The following GRID2 variants were observed in gnomAD, a reference collection of about 807,000 sequenced individuals.
The protein encoded by GRID2 is glutamate receptor ionotropic, delta-2.
A neutral mutation model predicts 114.8 loss-of-function variants in GRID2; 33 were observed. The observed-to-expected ratio is 0.29, with a 90% CI of 0.22 to 0.38. GRID2 has a LOEUF of 0.38. Among genes scored for constraint, GRID2 ranks in the 10% least tolerant of loss-of-function variants. The pLI, the probability that GRID2 is intolerant of heterozygous loss-of-function variation, is 1.00. For missense variants in GRID2, 1,184 were observed against 1,257.7 expected (o/e 0.94, Z 0.89); for synonymous variants, 505 against 449.9 (o/e 1.12, Z -1.55).
chr4:92,971,059 C>T (rs1401957510), intron 2 of GRID2, among the ~76,000 whole-genome samples: 1 of 151,762 alleles, frequency 6.6e-6, no homozygotes, highest in Non-Finnish European at 1.5e-5. Context: ...TTGGCTCATA[C>T]TCCTGGGCTC....
intron 6 of GRID2, among the ~76,000 whole-genome samples, chr4:93,223,051 GTGT>G (rs1745074112): frequency 6.6e-6 from 1 of 152,136 alleles, no homozygotes; most frequent in African/African-American, 2.4e-5. Context: ...CCAGAAGGTT[GTGT>G]ATTATTTTGA....
intron 14 of GRID2, among the ~76,000 whole-genome samples, chr4:93,633,431 C>A (rs1012404997): frequency 1.4e-4 from 22 of 152,044 alleles, no homozygotes; most frequent in African/African-American, 5.1e-4. Context: ...TGTTGGAAAG[C>A]TCCTGAGCTC....
chr4:92,499,382 T>C (rs1723558466), intron 1 of GRID2, among the ~76,000 whole-genome samples: 1 of 152,158 alleles, frequency 6.6e-6, no homozygotes, highest in African/African-American at 2.4e-5. Context: ...TTCCTCTCCA[T>C]AGATTTATCC....
intron 8 of GRID2, among the ~76,000 whole-genome samples, chr4:93,252,877 G>A (rs1038743778): frequency 4.6e-5 from 7 of 151,912 alleles, no homozygotes; most frequent in African/African-American, 1.5e-4. Context: ...TTGACTGTTG[G>A]TATATAGGAA....
intron 8 of GRID2, among the ~76,000 whole-genome samples, chr4:93,360,156 C>T (rs1224303624): frequency 6.6e-6 from 1 of 151,884 alleles, no homozygotes; most frequent in Non-Finnish European, 1.5e-5. Context: ...ATTTTCTACT[C>T]TTAACTGGTC....
At chr4:92,993,830 C>T (rs1488114354) in intron 2 of GRID2, among the ~76,000 whole-genome samples, 2 of 152,170 alleles carry the variant, frequency 1.3e-5, no homozygotes, top group East Asian at 3.9e-4. Flanking sequence ...GTTTATAAGA[C>T]TTGTGATCTT....
intron 13 of GRID2, among the ~76,000 whole-genome samples, chr4:93,547,902 C>A (rs891382169): frequency 6.6e-6 from 1 of 152,128 alleles, no homozygotes; most frequent in Non-Finnish European, 1.5e-5. Context: ...GAGGGCCAGG[C>A]GCAGTGGCTC....
chr4:93,744,095 G>T (rs1446060622), intron 14 of GRID2, among the ~76,000 whole-genome samples: 2 of 152,146 alleles, frequency 1.3e-5, no homozygotes, highest in Admixed American at 6.6e-5. Context: ...AGCCCAATGT[G>T]GAGACACTGC....
At chr4:93,057,883 G>T (rs1727411588) in intron 2 of GRID2, among the ~76,000 whole-genome samples, 1 of 151,924 alleles carries the variant, frequency 6.6e-6, no homozygotes, top group African/African-American at 2.4e-5. Flanking sequence ...TTCTTGTCAA[G>T]ATGAGTGTGT....
At chr4:92,518,886 T>C (rs1724638380) in intron 1 of GRID2, among the ~76,000 whole-genome samples, 1 of 151,850 alleles carries the variant, frequency 6.6e-6, no homozygotes, top group African/African-American at 2.4e-5. Context: ...TGCCACATAG[T>C]TTATCACAAG....
At position 92,460,032 on chromosome 4, in the gene GRID2, C is replaced by CTATA. The variant is rs373743453; in HGVS notation, c.89-130080_89-130077dup. Among the ~76,000 whole-genome samples the CTATA allele has an allele frequency of 7.3e-3, 355 of 48,422 alleles. 61 individuals are homozygous for CTATA. Among genetic ancestry groups the CTATA allele is most frequent in the African/African-American group, 0.028 (272 of 9,888 alleles). The allele number at this position is 48,422 out of a possible 152,430, so 31.8% of individuals were successfully genotyped here. A position where few individuals can be genotyped will look rare whatever the true frequency, so the allele number is the denominator to read the frequency against. On this transcript the variant is annotated intron_variant, in intron 1 of 15. Coordinates refer to ENST00000282020, the MANE Select transcript of GRID2 (RefSeq NM_001510.4). The stretch of plus-strand genomic sequence containing the variant: ...AGCCCATTCCTTAAAATAAATCTCA[C>CTATA]TATATATATATATATATATATACAC...
At chr4:93,058,807 A>C (rs972496642) in intron 2 of GRID2, among the ~76,000 whole-genome samples, 1 of 152,024 alleles carries the variant, frequency 6.6e-6, no homozygotes, top group Non-Finnish European at 1.5e-5. Flanking sequence ...AGTATCTTTC[A>C]TTTGGCTCAT....
intron 6 of GRID2, among the ~76,000 whole-genome samples, chr4:93,224,184 A>C (rs1313516361): frequency 6.6e-6 from 1 of 152,198 alleles, no homozygotes; most frequent in African/African-American, 2.4e-5. Flanking sequence ...ATATGAAATC[A>C]AGTTGATATT....
chr4:92,917,627 C>G (rs2149498747), intron 2 of GRID2, among the ~76,000 whole-genome samples: 1 of 151,286 alleles, frequency 6.6e-6, no homozygotes, highest in East Asian at 2.0e-4. Flanking sequence ...ATCCTTTCCT[C>G]TTTCTTGTTT....
intron 12 of GRID2, among the ~76,000 whole-genome samples, chr4:93,495,425 A>G (rs1174893597): frequency 1.3e-5 from 2 of 151,932 alleles, no homozygotes; most frequent in Middle Eastern, 3.4e-3. Flanking sequence ...TAGAAATTCA[A>G]GCATCACCAA....
chr4:93,216,756 G>A lies in GRID2; in HGVS notation c.808G>A (p.Val270Ile), dbSNP rs147543791. 38 of 1,608,872 alleles carry A rather than the reference G, an allele frequency of 2.4e-5. No homozygotes were observed. Among genetic ancestry groups the A allele is most frequent in the South Asian group, 6.6e-5 (6 of 90,900 alleles). Residue 270 changes from valine (V) to isoleucine (I), a missense_variant, in exon 6 of 16, where the codon GTA becomes ATA. Transcript: ENST00000282020. ...IINEEINDVD[V>I]QELVRRSIGR... Reference sequence around the variant, plus strand: ...CTTATAGGAAATAAACGATGTGGACGTACAGGAACTTGTAAGAAGGTCAAT... The same window carrying A: ...CTTATAGGAAATAAACGATGTGGACATACAGGAACTTGTAAGAAGGTCAAT...
chr4:93,583,726 G>T (rs1346439687), intron 13 of GRID2, among the ~76,000 whole-genome samples: 1 of 151,990 alleles, frequency 6.6e-6, no homozygotes, highest in Non-Finnish European at 1.5e-5. Flanking sequence ...TCATCTTAGG[G>T]TCCATTCTGT....
At chr4:93,758,103 A>C (rs534411391) in intron 14 of GRID2, among the ~76,000 whole-genome samples, 6 of 152,344 alleles carry the variant, frequency 3.9e-5, no homozygotes, top group African/African-American at 1.4e-4. Context: ...CCACCTCAAG[A>C]GAAGGTTATG....
At chr4:92,715,674 C>A (rs1181299287) in intron 2 of GRID2, among the ~76,000 whole-genome samples, 1 of 152,058 alleles carries the variant, frequency 6.6e-6, no homozygotes, top group African/African-American at 2.4e-5. Context: ...GGGAAACTAC[C>A]CTTTTATAAA....
Sources: gnomAD v4.1 joint callset for allele counts (sites outside exome capture counted in the v4.1 genomes callset) on GRCh38, gnomAD v4.1.1 for gene constraint, MANE v1.5 for transcripts, NCBI Gene and HGNC (gene_info 2026-07-23, HGNC 2026-07-21) for gene names.